UBXN4: variants seen among roughly 807,000 people sequenced by gnomAD.
UBXN4 encodes the protein UBX domain-containing protein 4.
In UBXN4, 35 loss-of-function variants were observed where a neutral mutation model predicts 66.2. That is an observed-to-expected ratio of 0.53 (90% confidence interval 0.40 to 0.70). The LOEUF (loss-of-function observed/expected upper bound fraction) is 0.70, where lower values mean the gene tolerates loss of function less well. Among genes scored for constraint, UBXN4 ranks in the 30% least tolerant of loss-of-function variants. The pLI is 0.00. For missense variants in UBXN4, 533 were observed against 599.8 expected (o/e 0.89, Z 1.16); for synonymous variants, 203 against 204.5 (o/e 0.99, Z 0.06).
At chr2:135,749,127 A>G (rs1303773855) in intron 2 of UBXN4, among the ~76,000 whole-genome samples, 1 of 152,210 alleles carries the variant, frequency 6.6e-6, no homozygotes, top group Non-Finnish European at 1.5e-5. Context: ...TGCTAAATTC[A>G]TCATGAATCC....
At chr2:135,778,513 C>CACTTCCTGAAGGT (rs1208611557) in intron 10 of UBXN4, among the ~76,000 whole-genome samples, 2 of 152,132 alleles carry the variant, frequency 1.3e-5, no homozygotes, top group African/African-American at 2.4e-5. Context: ...GAGGAGGCTA[C>CACTTCCTGAAGGT]ACTTCCTGAA....
intron 4 of UBXN4, 22 bp downstream of exon 4, chr2:135,754,299 G>T (rs761041726): frequency 6.4e-7 from 1 of 1,570,484 alleles, no homozygotes; most frequent in South Asian, 1.1e-5. Flanking sequence ...CAGAACTGTT[G>T]TTTCCGTAAA....
At chr2:135,747,589 T>C (rs1301790282) in intron 1 of UBXN4, 3 of 456,454 alleles carry the variant, frequency 6.6e-6, no homozygotes, top group Admixed American at 2.4e-5. Flanking sequence ...GGAGTGGAGA[T>C]GTTGAACTCA....
At chr2:135,777,187 T>C (rs895426051) in intron 10 of UBXN4, among the ~76,000 whole-genome samples, 12 of 152,254 alleles carry the variant, frequency 7.9e-5, no homozygotes, top group Non-Finnish European at 4.4e-5. Flanking sequence ...TCTTGAGATA[T>C]GAGTAGTTTT....
intron 1 of UBXN4, 167 bp from the exon 2 acceptor site, chr2:135,748,100 G>C: frequency 2.1e-6 from 1 of 487,518 alleles, no homozygotes; most frequent in South Asian, 3.6e-5. Flanking sequence ...GATGTGAACT[G>C]TGTATGCAGT....
In UBXN4 at chr2:135,783,432, A is replaced by T. The variant is rs951942674; in HGVS notation, c.*545A>T. The T allele has an allele frequency of 1.3e-5, 2 of 152,166 alleles. No individual in the cohort carries two copies. Among genetic ancestry groups the T allele is most frequent in the African/African-American group, 4.8e-5 (2 of 41,402 alleles). 9.4% of individuals were successfully genotyped at this position (152,166 alleles called of 1,614,324 possible). A position where few individuals can be genotyped will look rare whatever the true frequency, so the allele number is the denominator to read the frequency against. On this transcript the variant is annotated 3_prime_UTR_variant, in exon 13 of 13. Transcript: ENST00000272638. ...TTGGAATGATCTTAGTTTTGCTTTG[A>T]GTTTTGTTATCTAGCATCTTTTTGT...
At chr2:135,749,308 G>T (rs1559537561) in intron 2 of UBXN4, among the ~76,000 whole-genome samples, 1 of 152,126 alleles carries the variant, frequency 6.6e-6, no homozygotes, top group Non-Finnish European at 1.5e-5. Flanking sequence ...CTATTTTTGG[G>T]AATGGAGTCA....
intron 6 of UBXN4, among the ~76,000 whole-genome samples, chr2:135,763,248 G>A (rs892555703): frequency 5.3e-5 from 8 of 152,032 alleles, no homozygotes; most frequent in Non-Finnish European, 8.8e-5. Context: ...AGTTGCCATC[G>A]TTCTCACCAT....
intron 1 of UBXN4, among the ~76,000 whole-genome samples, chr2:135,746,991 A>G (rs185107989): frequency 5.2e-4 from 79 of 151,824 alleles, no homozygotes; most frequent in Non-Finnish European, 5.9e-5. Context: ...GGATCAGGGT[A>G]GTTAGTAGTG....
intron 9 of UBXN4, among the ~76,000 whole-genome samples, chr2:135,775,715 T>C (rs904916333): frequency 1.3e-5 from 2 of 152,206 alleles, no homozygotes; most frequent in African/African-American, 4.8e-5. Flanking sequence ...ATGTTGATAG[T>C]TGCACAATTC....
Position 135,748,328 on chromosome 2 carries a change from A to G in UBXN4, c.144A>G (p.Ala48=), listed in dbSNP as rs758927921. The G allele has an allele frequency of 6.2e-6, 10 of 1,606,936 alleles. No homozygotes were observed. The highest frequency in any genetic ancestry group is 8.5e-6 in the Non-Finnish European group (10 of 1,176,456). Reference sequence around the variant, plus strand: ...GGGAAGATGATAAAGTTACAGAAGCATCTTCAAACAGTTTTGTTGCTATTA... The same window carrying G: ...GGGAAGATGATAAAGTTACAGAAGCGTCTTCAAACAGTTTTGTTGCTATTA... ...ASWEDDKVTE[A]SSNSFVAIKI... The change falls in exon 2 of 13, where the codon GCA becomes GCG. Residue 48 remains alanine (A), a synonymous_variant. Coordinates refer to ENST00000272638, the MANE Select transcript of UBXN4 (RefSeq NM_014607.4).
At chr2:135,752,371 AG>A (rs1484157022) in intron 2 of UBXN4, among the ~76,000 whole-genome samples, 1 of 151,986 alleles carries the variant, frequency 6.6e-6, no homozygotes, top group African/African-American at 2.4e-5. Context: ...TAGTAGAGAC[AG>A]GGTTTCGCCA....
intron 5 of UBXN4, among the ~76,000 whole-genome samples, chr2:135,760,648 G>A (rs1254589373): frequency 4.6e-5 from 7 of 152,012 alleles, no homozygotes; most frequent in South Asian, 4.1e-4. Flanking sequence ...TTAAATTTTT[G>A]CTGATAATAA....
chr2:135,750,542 G>A (rs960969890), intron 2 of UBXN4, among the ~76,000 whole-genome samples: 1 of 151,972 alleles, frequency 6.6e-6, no homozygotes, highest in Non-Finnish European at 1.5e-5. Flanking sequence ...AATAAATTCA[G>A]AAATTTGCCT....
At chr2:135,765,345 G>A (rs976957922) in intron 6 of UBXN4, among the ~76,000 whole-genome samples, 7 of 151,936 alleles carry the variant, frequency 4.6e-5, no homozygotes, top group Non-Finnish European at 1.0e-4. Context: ...GAGTAGCTGG[G>A]ATTACAGGTG....
intron 2 of UBXN4, among the ~76,000 whole-genome samples, chr2:135,750,018 C>T (rs1172177208): frequency 6.6e-6 from 1 of 152,202 alleles, no homozygotes; most frequent in Non-Finnish European, 1.5e-5. Context: ...TTCCCCTCCC[C>T]TCATCCTGTC....
intron 7 of UBXN4, 22 bp from the exon 8 acceptor site, chr2:135,770,549 T>C: frequency 1.4e-6 from 2 of 1,397,268 alleles, no homozygotes; most frequent in South Asian, 1.7e-5. Context: ...TTTTGGATCA[T>C]AAAACTTTTT....
At chr2:135,772,370 AT>A (rs2077388276) in intron 8 of UBXN4, 49 bp from the exon 9 acceptor site, 1 of 1,593,504 alleles carries the variant, frequency 6.3e-7, no homozygotes. Context: ...AATTGTGTGA[AT>A]TAACCATTCT....
At chr2:135,755,379 AT>A in intron 4 of UBXN4, 137 bp from the exon 5 acceptor site, 1 of 551,544 alleles carries the variant, frequency 1.8e-6, no homozygotes, top group South Asian at 7.3e-5. Flanking sequence ...AGGATTATAC[AT>A]TTTGGATTCA....
Sources: gnomAD v4.1 joint callset for allele counts (sites outside exome capture counted in the v4.1 genomes callset) on GRCh38, gnomAD v4.1.1 for gene constraint, MANE v1.5 for transcripts, NCBI Gene and HGNC (gene_info 2026-07-23, HGNC 2026-07-21) for gene names.